ASPH: variants seen among roughly 807,000 people sequenced by gnomAD.
ASPH encodes aspartyl/asparaginyl beta-hydroxylase.
Under a neutral mutation model 118.4 loss-of-function variants are expected in ASPH, and 100 were observed. The observed-to-expected ratio is 0.84, with a 90% confidence interval of 0.72 to 1.00. ASPH has a LOEUF of 1.00. Ranked by LOEUF, ASPH falls within the 50% of genes least tolerant of loss-of-function variation. The pLI is 0.00. For synonymous variants in ASPH, 315 were observed against 325.6 expected, an observed-to-expected ratio of 0.97 and a Z score of 0.35; for missense variants, 920 against 919.5, an observed-to-expected ratio of 1.00 and a Z score of -0.01.
intron 21 of ASPH, among the ~76,000 whole-genome samples, chr8:61,538,089 G>A (rs1389027760): frequency 1.3e-5 from 2 of 152,082 alleles, no homozygotes; most frequent in African/African-American, 2.4e-5. Flanking sequence ...AAAACGTCAC[G>A]GGAGAAGAGG....
chr8:61,605,741 A>C (rs978321463), intron 14 of ASPH, among the ~76,000 whole-genome samples: 2 of 152,172 alleles, frequency 1.3e-5, no homozygotes, highest in Non-Finnish European at 2.9e-5. Flanking sequence ...CTTTAATCTA[A>C]AAACACACCA....
At chr8:61,671,094 A>AT (rs1822263952) in intron 3 of ASPH, among the ~76,000 whole-genome samples, 1 of 152,168 alleles carries the variant, frequency 6.6e-6, no homozygotes, top group South Asian at 2.1e-4. Flanking sequence ...GTAATCCAAG[A>AT]TTAGTGACAG....
chr8:61,664,368 GA>G (rs1239441616), intron 3 of ASPH: 32 of 975,974 alleles, frequency 3.3e-5, no homozygotes, highest in Non-Finnish European at 3.8e-5. Context: ...ATTCTAATCT[GA>G]AATAATTAAA....
intron 21 of ASPH, among the ~76,000 whole-genome samples, chr8:61,534,376 A>G (rs903620229): frequency 6.6e-6 from 1 of 152,222 alleles, no homozygotes; most frequent in Non-Finnish European, 1.5e-5. Context: ...AGAAAATCCT[A>G]TTAGCCGGCA....
rs143436295 is a variant in ASPH at position 61,646,803 on chromosome 8, G to T, written c.566C>A (p.Ala189Glu). ...PQQEDDEFLM[A>E]TDVDDRFETL... ...CTCAAATCTATCATCTACATCAGTCGCCATAAGAAACTCATCATCCTCTTG... is the reference window on the plus strand; with the variant it reads ...CTCAAATCTATCATCTACATCAGTCTCCATAAGAAACTCATCATCCTCTTG... Residue 189 changes from alanine to glutamate, a missense_variant, in exon 6 of 25, where the codon GCG becomes GAG. Ala to Glu is a moderately radical substitution (Grantham distance 107). Coordinates refer to ENST00000379454, the MANE Select transcript of ASPH (RefSeq NM_004318.4). 1 of 1,613,560 alleles carries T rather than the reference G, an allele frequency of 6.2e-7. No homozygotes were observed. Among genetic ancestry groups the T allele is most frequent in the East Asian group, 2.2e-5 (1 of 44,858 alleles).
intron 14 of ASPH, among the ~76,000 whole-genome samples, chr8:61,605,839 T>TA (rs1385319138): frequency 6.6e-6 from 1 of 152,228 alleles, no homozygotes; most frequent in African/African-American, 2.4e-5. Context: ...GTGTGTTTGA[T>TA]ACTATTAATC....
chr8:61,592,948 G>A (rs1203204158), intron 14 of ASPH, among the ~76,000 whole-genome samples: 2 of 152,336 alleles, frequency 1.3e-5, no homozygotes, highest in East Asian at 3.9e-4. Flanking sequence ...CCCATGTTAG[G>A]ATTTTTGATG....
intron 19 of ASPH, 21 bp from the exon 20 acceptor site, chr8:61,553,141 G>A: frequency 6.5e-7 from 1 of 1,546,002 alleles, no homozygotes; most frequent in Non-Finnish European, 8.9e-7. Context: ...GACAGTGTTA[G>A]TATGGGTAAA....
intron 21 of ASPH, among the ~76,000 whole-genome samples, chr8:61,541,290 C>T (rs536075555): frequency 1.2e-4 from 19 of 152,102 alleles, no homozygotes; most frequent in South Asian, 6.2e-4. Context: ...CGTGAACCCG[C>T]GAGGCGGAGC....
chr8:61,657,542 G>A (rs1814363491), intron 3 of ASPH: 1 of 152,148 alleles, frequency 6.6e-6, no homozygotes, highest in Admixed American at 6.5e-5. Context: ...GTATAAATAT[G>A]ACACTATGAT....
intron 13 of ASPH, among the ~76,000 whole-genome samples, chr8:61,620,884 T>C (rs1312390029): frequency 6.6e-6 from 1 of 152,222 alleles, no homozygotes; most frequent in African/African-American, 2.4e-5. Flanking sequence ...TCCACAGATC[T>C]TCCCACTCTT....
chr8:61,679,720 T>C (rs1325173725), intron 3 of ASPH, among the ~76,000 whole-genome samples: 2 of 151,832 alleles, frequency 1.3e-5, no homozygotes, highest in East Asian at 3.9e-4. Context: ...AATAAACCAT[T>C]TATAGGCAAG....
chr8:61,615,876 G>T (rs989888444), intron 14 of ASPH, among the ~76,000 whole-genome samples: 4 of 152,064 alleles, frequency 2.6e-5, no homozygotes, highest in African/African-American at 7.2e-5. Context: ...ACATATTCTG[G>T]ATATGTAATG....
chr8:61,631,821 T>C (rs902424202), intron 13 of ASPH: 3 of 152,360 alleles, frequency 2.0e-5, no homozygotes, highest in South Asian at 2.1e-4. Flanking sequence ...GCTACTCATA[T>C]ACCCTTGACT....
chr8:61,521,008 G>A (rs915565809), intron 22 of ASPH, among the ~76,000 whole-genome samples: 1 of 152,184 alleles, frequency 6.6e-6, no homozygotes, highest in African/African-American at 2.4e-5. Flanking sequence ...TTCATGCACT[G>A]TCACTGGTCA....
chr8:61,578,911 A>G, intron 15 of ASPH: 1 of 1,611,966 alleles, frequency 6.2e-7, no homozygotes, highest in South Asian at 1.1e-5. Context: ...TACGAAAAGG[A>G]GATCCGGGAG....
chr8:61,626,537 T>A (rs1045216901), intron 13 of ASPH, among the ~76,000 whole-genome samples: 1 of 152,016 alleles, frequency 6.6e-6, no homozygotes, highest in Non-Finnish European at 1.5e-5. Context: ...ATAATCTCAA[T>A]CTTTTAAGAA....
At chr8:61,649,749 C>T in intron 5 of ASPH, among the ~76,000 whole-genome samples, 1 of 151,758 alleles carries the variant, frequency 6.6e-6, no homozygotes, top group East Asian at 1.9e-4. Context: ...ATCACTGTTA[C>T]CTGCACAACC....
intron 3 of ASPH, chr8:61,661,799 C>T (rs2151288007): frequency 2.7e-6 from 1 of 376,704 alleles, no homozygotes; most frequent in Non-Finnish European, 4.8e-6. Flanking sequence ...ATAAAGCAAC[C>T]ACCTACAGAA....
Sources: gnomAD v4.1 joint callset for allele counts (sites outside exome capture counted in the v4.1 genomes callset) on GRCh38, gnomAD v4.1.1 for gene constraint, MANE v1.5 for transcripts, NCBI Gene and HGNC (gene_info 2026-07-23, HGNC 2026-07-21) for gene names.